Variants in CNTN5 observed in about 807,000 individuals in gnomAD.
CNTN5 encodes the protein contactin 5.
A neutral mutation model predicts 129.1 loss-of-function variants in CNTN5; 77 were observed. That is an observed-to-expected ratio of 0.60 (90% CI 0.50 to 0.72). The LOEUF (loss-of-function observed/expected upper bound fraction) is 0.72. Ranked by LOEUF, CNTN5 falls within the 30% of genes least tolerant of loss-of-function variation. CNTN5 has a pLI of 0.00. For missense variants in CNTN5, 1,478 were observed against 1,328.8 expected, an observed-to-expected ratio of 1.11 and a Z score of -1.75; for synonymous variants, 509 against 465.6, an observed-to-expected ratio of 1.09 and a Z score of -1.20.
chr11:99,136,317 C>T (rs139462868), intron 1 of CNTN5, among the ~76,000 whole-genome samples: 1 of 152,288 alleles, frequency 6.6e-6, no homozygotes, highest in East Asian at 1.9e-4. Context: ...GATCAATCGA[C>T]AGAAACATAG....
intron 13 of CNTN5, among the ~76,000 whole-genome samples, chr11:100,158,432 C>G (rs1431008615): frequency 6.6e-6 from 1 of 151,856 alleles, no homozygotes; most frequent in East Asian, 1.9e-4. Flanking sequence ...AACATTTCAT[C>G]TTGTATACAT....
At chr11:99,329,475 C>G (rs7927172) in intron 2 of CNTN5, among the ~76,000 whole-genome samples, 39,407 of 152,042 alleles carry the variant, frequency 0.26, 5,753 homozygotes, top group Middle Eastern at 0.38. Flanking sequence ...TGCTCACAAA[C>G]AAGAAATGGA....
chr11:99,826,035 G>A (rs12280616), intron 4 of CNTN5, among the ~76,000 whole-genome samples: 9,217 of 151,964 alleles, frequency 0.061, 334 homozygotes, highest in African/African-American at 0.096. Flanking sequence ...TTAGTTTAAG[G>A]AAGTCCATTC....
chr11:100,066,423 C>T (rs1943697583), intron 10 of CNTN5, among the ~76,000 whole-genome samples: 1 of 152,142 alleles, frequency 6.6e-6, no homozygotes, highest in Non-Finnish European at 1.5e-5. Context: ...AGGCCAATAA[C>T]ACTTAGCATT....
At chr11:99,777,135 A>C (rs1477414838) in intron 3 of CNTN5, among the ~76,000 whole-genome samples, 1 of 151,910 alleles carries the variant, frequency 6.6e-6, no homozygotes, top group African/African-American at 2.4e-5. Context: ...ACAGATGTTT[A>C]TTATGGTGAA....
At chr11:99,786,275 A>G (rs975344066) in intron 3 of CNTN5, among the ~76,000 whole-genome samples, 1 of 152,134 alleles carries the variant, frequency 6.6e-6, no homozygotes, top group Non-Finnish European at 1.5e-5. Flanking sequence ...AGAGAATAAA[A>G]TACCTAGGAA....
intron 2 of CNTN5, among the ~76,000 whole-genome samples, chr11:99,495,471 T>G (rs1946190897): frequency 6.6e-6 from 1 of 152,246 alleles, no homozygotes; most frequent in Non-Finnish European, 1.5e-5. Flanking sequence ...AATTAGCAAG[T>G]CTTTGTTATG....
At chr11:99,952,355 G>A (rs951869855) in intron 7 of CNTN5, among the ~76,000 whole-genome samples, 1 of 152,070 alleles carries the variant, frequency 6.6e-6, no homozygotes, top group Non-Finnish European at 1.5e-5. Context: ...AAAGAGAGGA[G>A]ATGAGTCATA....
At chr11:99,639,070 CT>C in intron 3 of CNTN5, among the ~76,000 whole-genome samples, 1 of 152,352 alleles carries the variant, frequency 6.6e-6, no homozygotes, top group Non-Finnish European at 1.5e-5. Context: ...CATATATCTT[CT>C]GAAATCTAGG....
At chr11:99,670,847 G>A (rs772415137) in intron 3 of CNTN5, among the ~76,000 whole-genome samples, 4 of 152,070 alleles carry the variant, frequency 2.6e-5, no homozygotes, top group Non-Finnish European at 2.9e-5. Flanking sequence ...CTGTTTCCTC[G>A]TCTCTGAAGT....
intron 1 of CNTN5, among the ~76,000 whole-genome samples, chr11:99,307,932 T>TA (rs1565479671): frequency 6.6e-6 from 1 of 152,200 alleles, no homozygotes; most frequent in Non-Finnish European, 1.5e-5. Flanking sequence ...ACACAGAAAC[T>TA]AAATCAATGT....
intron 1 of CNTN5, among the ~76,000 whole-genome samples, chr11:99,178,667 C>T (rs1277203603): frequency 6.6e-6 from 1 of 152,022 alleles, no homozygotes; most frequent in African/African-American, 2.4e-5. Flanking sequence ...GTCTTCACAA[C>T]CAAATAATTT....
At chr11:99,203,969 T>C (rs568740670) in intron 1 of CNTN5, among the ~76,000 whole-genome samples, 2 of 152,320 alleles carry the variant, frequency 1.3e-5, no homozygotes, top group South Asian at 2.1e-4. Context: ...TATAAACTTA[T>C]AAAATTTCTC....
At chr11:100,280,067 A>G (rs1307248032) in intron 18 of CNTN5, among the ~76,000 whole-genome samples, 1 of 151,430 alleles carries the variant, frequency 6.6e-6, no homozygotes, top group Non-Finnish European at 1.5e-5. Context: ...TCATTGACCC[A>G]TGGGTCATTC....
intron 10 of CNTN5, among the ~76,000 whole-genome samples, chr11:100,069,612 G>A (rs1214094463): frequency 6.6e-6 from 1 of 152,014 alleles, no homozygotes; most frequent in Non-Finnish European, 1.5e-5. Context: ...TAGCATATAT[G>A]AAACAACATA....
intron 13 of CNTN5, among the ~76,000 whole-genome samples, chr11:100,094,151 C>G (rs1944901310): frequency 2.0e-5 from 3 of 152,122 alleles, no homozygotes; most frequent in Non-Finnish European, 2.9e-5. Context: ...GCCAGGTCTT[C>G]AGGAGACTGA....
intron 8 of CNTN5, among the ~76,000 whole-genome samples, chr11:99,966,460 G>T (rs1039127503): frequency 6.6e-6 from 1 of 152,128 alleles, no homozygotes; most frequent in African/African-American, 2.4e-5. Context: ...GAGCCCACAG[G>T]ACCAGAGCCT....
At chr11:100,152,666 A>AT (rs1174355820) in intron 13 of CNTN5, among the ~76,000 whole-genome samples, 2 of 151,984 alleles carry the variant, frequency 1.3e-5, no homozygotes, top group Non-Finnish European at 1.5e-5. Flanking sequence ...AGGTATCTGA[A>AT]TTTTTTTCAG....
At chr11:99,159,748 A>G (rs1860516870) in intron 1 of CNTN5, among the ~76,000 whole-genome samples, 1 of 152,246 alleles carries the variant, frequency 6.6e-6, no homozygotes, top group African/African-American at 2.4e-5. Context: ...ATAAGGGATA[A>G]TAAATTCAGC....
Sources: gnomAD v4.1 joint callset for allele counts (sites outside exome capture counted in the v4.1 genomes callset) on GRCh38, gnomAD v4.1.1 for gene constraint, MANE v1.5 for transcripts, NCBI Gene and HGNC (gene_info 2026-07-23, HGNC 2026-07-21) for gene names.